The following OSBPL10 variants were observed in gnomAD, a reference collection of about 807,000 sequenced individuals.
OSBPL10 encodes the protein oxysterol binding protein like 10.
OSBPL10 carries 49 observed loss-of-function variants against 81.7 expected under a neutral mutation model. The ratio of observed to expected loss-of-function variants is 0.60; its 90% CI spans 0.48 to 0.76. The LOEUF is 0.76. OSBPL10 is among the 30% of genes least tolerant of loss of function. OSBPL10 has a pLI of 0.00. For missense variants in OSBPL10, 923 were observed against 987.8 expected (o/e 0.93, Z 0.88); for synonymous variants, 419 against 383.6 (o/e 1.09, Z -1.08).
At chr3:31,875,362 T>A (rs774914574) in intron 3 of OSBPL10, among the ~76,000 whole-genome samples, 6 of 152,034 alleles carry the variant, frequency 3.9e-5, no homozygotes, top group Non-Finnish European at 8.8e-5. Flanking sequence ...CCTAGATGTA[T>A]ATAAAGTACC....
intron 1 of OSBPL10, among the ~76,000 whole-genome samples, chr3:31,932,552 T>G: frequency 6.6e-6 from 1 of 152,218 alleles, no homozygotes; most frequent in East Asian, 1.9e-4. Flanking sequence ...GGAAAATCTG[T>G]AAAGTTTTAC....
At chr3:32,005,852 G>C (rs1158611712) in intron 2 of OSBPL10, among the ~76,000 whole-genome samples, 4 of 152,176 alleles carry the variant, frequency 2.6e-5, no homozygotes, top group Admixed American at 6.5e-5. Flanking sequence ...CTCCCAAAGT[G>C]CTGGGATTAC....
chr3:31,856,052 T>C (rs1170033829), intron 3 of OSBPL10, among the ~76,000 whole-genome samples: 1 of 146,688 alleles, frequency 6.8e-6, no homozygotes, highest in African/African-American at 2.5e-5. Context: ...ATATGTTATA[T>C]ACATTTATGT....
At chr3:31,875,937 G>A (rs1410047059) in intron 3 of OSBPL10, among the ~76,000 whole-genome samples, 10 of 152,032 alleles carry the variant, frequency 6.6e-5, no homozygotes, top group Non-Finnish European at 1.2e-4. Context: ...CCTAACACAA[G>A]ATCTCACAAG....
At chr3:32,030,960 G>C (rs1385663887) in intron 2 of OSBPL10, among the ~76,000 whole-genome samples, 1 of 152,054 alleles carries the variant, frequency 6.6e-6, no homozygotes, top group Non-Finnish European at 1.5e-5. Flanking sequence ...GAGGTCAGGA[G>C]TTCGAGACCA....
intron 3 of OSBPL10, among the ~76,000 whole-genome samples, chr3:31,872,409 C>G (rs1355908159): frequency 2.0e-5 from 3 of 151,742 alleles, no homozygotes; most frequent in Admixed American, 2.0e-4. Flanking sequence ...GATAGCCAGA[C>G]CTCTGGATTT....
chr3:31,737,842 AGT>A (rs1260118548), intron 5 of OSBPL10, among the ~76,000 whole-genome samples: 1 of 152,082 alleles, frequency 6.6e-6, no homozygotes, highest in African/African-American at 2.4e-5. Context: ...AAATACAAAA[AGT>A]AGCCAGGCAT....
chr3:31,961,951 CT>C (rs1272707501), intron 1 of OSBPL10, among the ~76,000 whole-genome samples: 5 of 139,512 alleles, frequency 3.6e-5, no homozygotes, highest in Non-Finnish European at 6.2e-5. Flanking sequence ...GGGAGGGTTG[CT>C]TTTTTTTATT....
intron 4 of OSBPL10, among the ~76,000 whole-genome samples, chr3:31,758,589 G>C (rs1413216643): frequency 6.6e-6 from 1 of 152,196 alleles, no homozygotes; most frequent in Admixed American, 6.5e-5. Context: ...TTCCTGATAA[G>C]AGACCACTGA....
intron 3 of OSBPL10, among the ~76,000 whole-genome samples, chr3:31,862,167 C>G (rs751966109): frequency 2.2e-5 from 3 of 137,880 alleles, no homozygotes; most frequent in Non-Finnish European, 4.4e-5. Flanking sequence ...CACTATGTAC[C>G]CACAAAAAAA....
chr3:31,890,910 A>G (rs1695875498), intron 1 of OSBPL10, among the ~76,000 whole-genome samples: 1 of 152,054 alleles, frequency 6.6e-6, no homozygotes, highest in Admixed American at 6.5e-5. Context: ...ACTATAACAC[A>G]CCCATCCTGA....
chr3:31,766,757 G>A (rs370921906), intron 4 of OSBPL10, among the ~76,000 whole-genome samples: 3 of 152,156 alleles, frequency 2.0e-5, no homozygotes, highest in Non-Finnish European at 4.4e-5. Context: ...TTTTATCCAA[G>A]ACAATTAATC....
chr3:32,055,752 C>T lies in OSBPL10; in HGVS notation n.186-9149G>A, dbSNP rs558981825. Among the ~76,000 whole-genome samples, 324 of 151,896 alleles carry T rather than the reference C, an allele frequency of 2.1e-3. 1 individual carries two copies. The highest frequency in any genetic ancestry group is 6.1e-3 in the African/African-American group (253 of 41,424). On this transcript the variant is annotated intron_variant and non_coding_transcript_variant, in intron 1 of 3. Transcript: ENST00000479173. ...CTTATAGAACCAATAAAAGCCCTTT[C>T]GGAAAACTGGCCACATATCTCATCT...
chr3:32,024,133 G>C (rs1699382006), intron 2 of OSBPL10, among the ~76,000 whole-genome samples: 1 of 152,258 alleles, frequency 6.6e-6, no homozygotes, highest in South Asian at 2.1e-4. Context: ...TTGACATTGA[G>C]TTGTATAAGT....
intron 3 of OSBPL10, among the ~76,000 whole-genome samples, chr3:31,847,194 C>CTT (rs1165840077): frequency 2.1e-5 from 3 of 144,988 alleles, no homozygotes; most frequent in African/African-American, 2.5e-5. Context: ...CTCCCCATTC[C>CTT]TTTTTTTTTT....
chr3:31,909,500 C>G (rs1018746504), intron 1 of OSBPL10, among the ~76,000 whole-genome samples: 4 of 143,986 alleles, frequency 2.8e-5, no homozygotes, highest in Non-Finnish European at 6.2e-5. Flanking sequence ...TAGGGCTCAA[C>G]GTTTAAAAAA....
chr3:31,702,347 A>T lies in OSBPL10; in HGVS notation c.1245+12T>A. 1 of 1,613,468 alleles carries T rather than the reference A, an allele frequency of 6.2e-7. No homozygotes were observed. The highest frequency in any genetic ancestry group is 8.5e-7 in the Non-Finnish European group (1 of 1,179,378). On this transcript the variant is annotated intron_variant, in intron 7 of 11. Transcript: ENST00000396556. Reference sequence around the variant, plus strand: ...ACAACTGACCACAAATCCAGGGGACATGCCAACCTACCTTGGTCAAATCCA... The same window carrying T: ...ACAACTGACCACAAATCCAGGGGACTTGCCAACCTACCTTGGTCAAATCCA...
intron 4 of OSBPL10, among the ~76,000 whole-genome samples, chr3:31,774,695 TAG>T (rs747072855): frequency 1.3e-5 from 2 of 151,488 alleles, no homozygotes; most frequent in Non-Finnish European, 2.9e-5. Flanking sequence ...GTATTTTTAG[TAG>T]AGACAGTGTT....
At chr3:31,743,784 C>T (rs1697432633) in intron 5 of OSBPL10, among the ~76,000 whole-genome samples, 1 of 152,194 alleles carries the variant, frequency 6.6e-6, no homozygotes, top group African/African-American at 2.4e-5. Context: ...TGAAATGAAA[C>T]CATGCCAGAG....
Sources: gnomAD v4.1 joint callset for allele counts (sites outside exome capture counted in the v4.1 genomes callset) on GRCh38, gnomAD v4.1.1 for gene constraint, MANE v1.5 for transcripts, NCBI Gene and HGNC (gene_info 2026-07-23, HGNC 2026-07-21) for gene names.